Variants in COL5A1 observed in about 807,000 individuals in gnomAD.
COL5A1 encodes collagen alpha-1(V) chain.
Under a neutral mutation model 263.7 loss-of-function variants are expected in COL5A1, and 16 were observed. The observed-to-expected ratio is 0.06, with a 90% CI of 0.04 to 0.09. The LOEUF (loss-of-function observed/expected upper bound fraction) is 0.09. Ranked by LOEUF, COL5A1 falls within the 10% of genes least tolerant of loss-of-function variation. The pLI is 1.00. For missense variants in COL5A1, 2,036 were observed against 2,540.5 expected (o/e 0.80, Z 4.27); for synonymous variants, 1,012 against 1,004.5 (o/e 1.01, Z -0.14).
chr9:134,652,046 G>T lies in COL5A1; in HGVS notation c.109+9750G>T, dbSNP rs553678807. Reference sequence around the variant, plus strand: ...AGAGGTATTAAGGAAAGGAGAAAGTGACACTGACTCTTCTCAGAGCCTTTG... The same window carrying T: ...AGAGGTATTAAGGAAAGGAGAAAGTTACACTGACTCTTCTCAGAGCCTTTG... On this transcript the variant is annotated intron_variant, in intron 1 of 65. Transcript: ENST00000371817. The surrounding 1 kb of genome is among the most constrained non-coding windows in gnomAD (Gnocchi z 4.4). Among the ~76,000 whole-genome samples, 141 of 152,276 alleles carry T rather than the reference G, an allele frequency of 9.3e-4. 1 individual carries two copies. Among genetic ancestry groups the T allele is most frequent in the South Asian group, 2.1e-3 (10 of 4,824 alleles).
intron 53 of COL5A1, 104 bp downstream of exon 53, chr9:134,817,183 T>C: frequency 9.5e-7 from 1 of 1,051,006 alleles, no homozygotes; most frequent in Non-Finnish European, 1.5e-6. Flanking sequence ...TAAGCTGCAC[T>C]GATGAGGAAG....
intron 25 of COL5A1, among the ~76,000 whole-genome samples, chr9:134,771,097 C>T (rs1836852087): frequency 6.6e-6 from 1 of 152,252 alleles, no homozygotes; most frequent in South Asian, 2.1e-4. Flanking sequence ...GCGCTGTGTG[C>T]AGATGTGCTG....
chr9:134,783,942 C>A (rs1280832357), intron 29 of COL5A1, among the ~76,000 whole-genome samples: 1 of 152,220 alleles, frequency 6.6e-6, no homozygotes, highest in Non-Finnish European at 1.5e-5. Context: ...GTGGCGTCCA[C>A]GTGACGAGGG....
At chr9:134,654,564 T>TA (rs1831856612) in intron 1 of COL5A1, among the ~76,000 whole-genome samples, 1 of 23,158 alleles carries the variant, frequency 4.3e-5, no homozygotes, top group Non-Finnish European at 8.3e-5. Flanking sequence ...TAGGGCTGGG[T>TA]GTGTGTAGGG....
rs201278863 is a variant in COL5A1, at chr9:134,744,967, C to T, written c.1495-5575C>T. 2.0e-5 allele frequency among the ~76,000 whole-genome samples: 3 copies of T among 152,264 alleles called. No homozygotes were observed. The East Asian group carries it at 5.8e-4, about 29-fold the overall frequency. On this transcript the variant is annotated intron_variant, in intron 11 of 65. Transcript: ENST00000371817. ...CATGCACGCGTGCGCTGTCTGGGTT[C>T]ACCTCCACACGGCCCTTCCATGGAG...
At chr9:134,643,899 T>G (rs1178129842) in intron 1 of COL5A1, among the ~76,000 whole-genome samples, 1 of 152,138 alleles carries the variant, frequency 6.6e-6, no homozygotes, top group Non-Finnish European at 1.5e-5. Context: ...CGGACTGGGC[T>G]TGGGGTTCCA....
At position 134,815,790 on chromosome 9, in the gene COL5A1, C is replaced by T. The variant is rs1033615963; in HGVS notation, c.4069-145C>T. 6.5e-5 allele frequency: 81 copies of T among 1,254,930 alleles called. No individual in the cohort carries two copies. In the African/African-American group the frequency reaches 6.5e-4, roughly 10 times the overall value. The allele number at this position is 1,254,930 out of a possible 1,614,324, so 77.7% of individuals were successfully genotyped here. A position where few individuals can be genotyped will look rare whatever the true frequency, so the allele number is the denominator to read the frequency against. On this transcript the variant is annotated intron_variant, in intron 51 of 65. Coordinates refer to ENST00000371817, the MANE Select transcript of COL5A1 (RefSeq NM_000093.5). The stretch of plus-strand genomic sequence containing the variant: ...TGTTCCGGTGATCAGAGCAAGAAAA[C>T]GCCTTTGACCCCACTGACCATGCTC...
chr9:134,776,886 C>T (rs1837073505), intron 27 of COL5A1, among the ~76,000 whole-genome samples: 1 of 152,192 alleles, frequency 6.6e-6, no homozygotes, highest in Non-Finnish European at 1.5e-5. Context: ...TGTGTCCACA[C>T]ATAGCAGAAG....
At position 134,774,902 on chromosome 9, in the gene COL5A1, G is replaced by A. The variant is rs1035858539; in HGVS notation, c.2375G>A (p.Arg792Gln). The part of the protein sequence containing the change: ...PQGPIGYPGP[R>Q]GVKGADGIRG... ...GGTCCGATTGGCTACCCAGGTCCTC[G>A]AGGAGTCAAGGTGAGAGAGACTCAC... Residue 792 changes from arginine (R) to glutamine (Q), a missense_variant, in exon 27 of 66, where the codon CGA becomes CAA. Around this residue, in one of 3 missense-constraint regions of COL5A1, gnomAD observed 1,078 missense variants for 1,521.4 expected, o/e 0.71. Transcript: ENST00000371817. 16 of 1,613,458 alleles carry A rather than the reference G, an allele frequency of 9.9e-6. No homozygotes were observed. Among genetic ancestry groups the A allele is most frequent in the Non-Finnish European group, 1.4e-5 (16 of 1,179,780 alleles).
intron 30 of COL5A1, 122 bp from the exon 31 acceptor site, chr9:134,785,873 C>T (rs532538296): frequency 2.1e-5 from 18 of 874,942 alleles, no homozygotes; most frequent in East Asian, 1.9e-4. Flanking sequence ...CGTGTGCCCC[C>T]GCCTCTGGAA....
chr9:134,826,750 TGTGTGTGGCTG>T (rs1018423832), intron 63 of COL5A1, among the ~76,000 whole-genome samples: 4 of 148,946 alleles, frequency 2.7e-5, no homozygotes, highest in Non-Finnish European at 5.9e-5. Context: ...GGTGTTCGGG[TGTGTGTGGCTG>T]GTGTGTGGGT....
Position 134,789,103 on chromosome 9 carries a change from A to G in COL5A1, c.2647-52A>G. 1 of 1,560,860 alleles carries G rather than the reference A, an allele frequency of 6.4e-7. No homozygotes were observed. Among genetic ancestry groups the G allele is most frequent in the South Asian group, 1.1e-5 (1 of 89,620 alleles). ...TGGTCCCCCAGGCGGCCCATGCAGCATGACTCATTCCTGGCCCAGCTCTGA... is the reference window on the plus strand; with the variant it reads ...TGGTCCCCCAGGCGGCCCATGCAGCGTGACTCATTCCTGGCCCAGCTCTGA... On this transcript the variant is annotated intron_variant, in intron 31 of 65. Transcript: ENST00000371817. This position sits in a 1 kb window ranked among gnomAD's most constrained non-coding sequence, Gnocchi z 4.8.
intron 65 of COL5A1, among the ~76,000 whole-genome samples, chr9:134,835,600 T>TC (rs1239731539): frequency 1.3e-5 from 2 of 152,296 alleles, no homozygotes; most frequent in Non-Finnish European, 2.9e-5. Flanking sequence ...CTGGGCCTGT[T>TC]CCCGAGAGCA....
intron 32 of COL5A1, among the ~76,000 whole-genome samples, chr9:134,791,335 G>A (rs529975950): frequency 2.6e-5 from 4 of 152,218 alleles, no homozygotes; most frequent in African/African-American, 4.8e-5. Context: ...GGTGGTTCAT[G>A]TGTGTGAGAT....
At chr9:134,799,929 A>G (rs1463402134) in intron 37 of COL5A1, among the ~76,000 whole-genome samples, 1 of 152,198 alleles carries the variant, frequency 6.6e-6, no homozygotes, top group Non-Finnish European at 1.5e-5. Context: ...AAAGTTGCAC[A>G]TGTACTTCCG....
rs1837184590 is a variant in COL5A1, at chr9:134,779,743, ACCT to A, written c.2386-357_2386-355del. On this transcript the variant is annotated intron_variant, in intron 27 of 65. Coordinates refer to ENST00000371817, the MANE Select transcript of COL5A1 (RefSeq NM_000093.5). ...ACCTCACCTCCTGCTTCCTCCCCAA[ACCT>A]CTGAAAGGTGGGGGTGTTTCTAGAA... 2.0e-5 allele frequency among the ~76,000 whole-genome samples: 3 copies of A among 152,238 alleles called. No homozygotes were observed. The Middle Eastern group carries it at 0.01, about 518-fold the overall frequency.
chr9:134,685,853 T>A (rs2132541927), intron 1 of COL5A1, among the ~76,000 whole-genome samples: 2 of 140,712 alleles, frequency 1.4e-5, no homozygotes, highest in South Asian at 2.4e-4. Flanking sequence ...CCATCCATCA[T>A]CATCCATCCA....
At chr9:134,823,377 CCT>C (rs1323234906) in intron 60 of COL5A1, 37 bp from the exon 61 acceptor site, 1 of 1,611,306 alleles carries the variant, frequency 6.2e-7, no homozygotes, top group African/African-American at 1.3e-5. Context: ...TCCCCTCATA[CCT>C]CTGTGACCAA....
In COL5A1 at chr9:134,765,927, C is replaced by T. The variant is rs1454831113; in HGVS notation, c.2088+193C>T. 6.6e-6 allele frequency among the ~76,000 whole-genome samples: 1 copy of T among 152,222 alleles called. No homozygotes were observed. Among genetic ancestry groups the T allele is most frequent in the Non-Finnish European group, 1.5e-5 (1 of 68,012 alleles). ...TAGACACGGCCCCAGCAGGTGTGGC[C>T]TTGCAGGTGGAGGCCCGAGGCTGCC... On this transcript the variant is annotated intron_variant, in intron 21 of 65. Transcript: ENST00000371817. The surrounding 1 kb of genome is among the most constrained non-coding windows in gnomAD (Gnocchi z 5.1).
Sources: gnomAD v4.1 joint callset for allele counts (sites outside exome capture counted in the v4.1 genomes callset) on GRCh38, gnomAD v4.1.1 for gene constraint, gnomAD v4.1.1 regional missense constraint, Gnocchi (gnomAD v3.1) non-coding constraint, MANE v1.5 for transcripts, NCBI Gene and HGNC (gene_info 2026-07-23, HGNC 2026-07-21) for gene names.